The following RASGRP3 variants were observed in gnomAD, a reference collection of about 807,000 sequenced individuals.
The protein encoded by RASGRP3 is RAS guanyl releasing protein 3.
RASGRP3 carries 54 observed loss-of-function variants against 82.7 expected under a neutral mutation model. That is an observed-to-expected ratio of 0.65 (90% CI 0.52 to 0.82). The LOEUF is 0.82. Among genes scored for constraint, RASGRP3 ranks in the 40% least tolerant of loss-of-function variants. The pLI, the probability that RASGRP3 is intolerant of heterozygous loss-of-function variation, is 0.00. For missense variants in RASGRP3, 861 were observed against 828.9 expected, an observed-to-expected ratio of 1.04 and a Z score of -0.48; for synonymous variants, 309 against 300.5, an observed-to-expected ratio of 1.03 and a Z score of -0.29.
intron 2 of RASGRP3, among the ~76,000 whole-genome samples, chr2:33,462,032 G>A (rs1468260291): frequency 6.6e-6 from 1 of 152,190 alleles, no homozygotes; most frequent in Non-Finnish European, 1.5e-5. Flanking sequence ...AAAGTGAAGA[G>A]CAAAAGCGAT....
intron 1 of RASGRP3, among the ~76,000 whole-genome samples, chr2:33,497,553 C>T (rs1312992859): frequency 6.6e-6 from 1 of 152,214 alleles, no homozygotes; most frequent in African/African-American, 2.4e-5. Flanking sequence ...AATCACCTGA[C>T]ATGCATTTAT....
intron 14 of RASGRP3, 141 bp downstream of exon 14, chr2:33,549,892 A>G (rs1482880983): frequency 1.8e-6 from 2 of 1,109,402 alleles, no homozygotes; most frequent in Non-Finnish European, 2.5e-6. Flanking sequence ...GAAATTGAAG[A>G]TTAAACACCA....
At chr2:33,443,239 C>A (rs1228900742) in intron 1 of RASGRP3, among the ~76,000 whole-genome samples, 1 of 152,046 alleles carries the variant, frequency 6.6e-6, no homozygotes, top group Non-Finnish European at 1.5e-5. Flanking sequence ...AATAAAACAA[C>A]AAAAACTCAA....
chr2:33,524,192 C>A, intron 8 of RASGRP3, 140 bp downstream of exon 8: 2 of 1,100,638 alleles, frequency 1.8e-6, no homozygotes, highest in Non-Finnish European at 1.3e-6. Flanking sequence ...ATGAACAAAT[C>A]GTATTTTTGT....
At chr2:33,528,344 T>A (rs1381462776) in intron 10 of RASGRP3, among the ~76,000 whole-genome samples, 5 of 152,238 alleles carry the variant, frequency 3.3e-5, no homozygotes, top group Non-Finnish European at 2.9e-5. Flanking sequence ...TTTTTGGCAT[T>A]TGTGGCACAC....
In RASGRP3 at chr2:33,556,095, C is replaced by G. The variant is rs77708772; in HGVS notation, c.1579+528C>G. Among the ~76,000 whole-genome samples the G allele has an allele frequency of 0.02, 3,045 of 152,198 alleles. 282 individuals are homozygous for G. In the East Asian group the frequency reaches 0.31, roughly 15 times the overall value. On this transcript the variant is annotated intron_variant, in intron 15 of 17. Transcript: ENST00000403687. ...AAACAATTGAATCAAATATATTTGA[C>G]AAATGCAATATGCATGTATACTAAG...
intron 1 of RASGRP3, among the ~76,000 whole-genome samples, chr2:33,504,994 A>G (rs938576326): frequency 5.3e-5 from 8 of 152,198 alleles, no homozygotes; most frequent in East Asian, 1.9e-4. Flanking sequence ...AAAAAGCAAG[A>G]TTTAGCCACA....
chr2:33,493,323 A>C (rs1669022705), intron 1 of RASGRP3, among the ~76,000 whole-genome samples: 1 of 152,130 alleles, frequency 6.6e-6, no homozygotes, highest in South Asian at 2.1e-4. Context: ...ATCTGGGGAC[A>C]ACAACAGTGA....
At chr2:33,507,070 A>T (rs1486637515) in intron 1 of RASGRP3, among the ~76,000 whole-genome samples, 2 of 152,162 alleles carry the variant, frequency 1.3e-5, no homozygotes, top group African/African-American at 4.8e-5. Flanking sequence ...CAGAAACAAG[A>T]CCAATGCAGA....
chr2:33,486,844 A>C (rs1668438993), intron 1 of RASGRP3, among the ~76,000 whole-genome samples: 1 of 152,174 alleles, frequency 6.6e-6, no homozygotes, highest in Admixed American at 6.5e-5. Flanking sequence ...TACATGTTGG[A>C]AGAGGGACGG....
At chr2:33,458,497 A>G (rs1298163997) in intron 2 of RASGRP3, among the ~76,000 whole-genome samples, 3 of 152,236 alleles carry the variant, frequency 2.0e-5, no homozygotes, top group Non-Finnish European at 4.4e-5. Context: ...ACAAAGCCCC[A>G]GATCAAACTC....
chr2:33,462,657 C>T (rs910143245), intron 2 of RASGRP3, among the ~76,000 whole-genome samples: 3 of 152,164 alleles, frequency 2.0e-5, no homozygotes, highest in Non-Finnish European at 2.9e-5. Flanking sequence ...GGATTACAGG[C>T]GTGAGCCACT....
At position 33,530,489 on chromosome 2, in the gene RASGRP3, G is replaced by A. The variant is rs113744927; in HGVS notation, c.1083+3077G>A. Among the ~76,000 whole-genome samples, 656 of 144,078 alleles carry A rather than the reference G, an allele frequency of 4.6e-3. 9 individuals are homozygous for A. Among genetic ancestry groups the A allele is most frequent in the African/African-American group, 0.016 (605 of 37,956 alleles). 94.5% of individuals were successfully genotyped at this position (144,078 alleles called of 152,430 possible). ...GGGCTGTGAGTGTAACATCACCCCTGCCCCTTCCTTTTTTTTTTTTTTTTT... is the reference window on the plus strand; with the variant it reads ...GGGCTGTGAGTGTAACATCACCCCTACCCCTTCCTTTTTTTTTTTTTTTTT... On this transcript the variant is annotated intron_variant, in intron 10 of 17. Transcript: ENST00000403687.
At chr2:33,548,438 A>G (rs1277097176) in intron 13 of RASGRP3, among the ~76,000 whole-genome samples, 1 of 150,476 alleles carries the variant, frequency 6.6e-6, no homozygotes, top group African/African-American at 2.4e-5. Context: ...GAAGAAGGGG[A>G]TTTTTCAGGT....
intron 1 of RASGRP3, among the ~76,000 whole-genome samples, chr2:33,439,014 C>T (rs1163316587): frequency 6.6e-6 from 1 of 152,120 alleles, no homozygotes; most frequent in Non-Finnish European, 1.5e-5. Flanking sequence ...TGCCATCTGG[C>T]CTGACGCTGG....
chr2:33,558,975 G>A lies in RASGRP3; in HGVS notation c.2009G>A (p.Gly670Asp), dbSNP rs1474901537. The stretch of plus-strand genomic sequence containing the variant: ...GCTGGTGTGGATGTTGTAGACCGGG[G>A]CACGGAGTTTGAACTTGACCAGGAT... Reference protein sequence around the residue: ...VHAGVDVVDRGTEFELDQDEG... With the variant: ...VHAGVDVVDRDTEFELDQDEG... The change falls in exon 17 of 18, where the codon GGC becomes GAC. Residue 670 changes from glycine (G) to aspartate (D), a missense_variant. Transcript: ENST00000403687. The A allele has an allele frequency of 6.2e-7, 1 of 1,613,790 alleles. No individual in the cohort carries two copies. Among genetic ancestry groups the A allele is most frequent in the Non-Finnish European group, 8.5e-7 (1 of 1,179,860 alleles).
chr2:33,549,742 T>G lies in RASGRP3; in HGVS notation c.1533T>G (p.Cys511Trp). ...TCAAGCCAACCTTCTGCGAACACTG[T>G]GCGGGATTTGTAAGTCTGTTTTCCG... ...TYLKPTFCEH[C>W]AGFLWGIIKQ... Residue 511 changes from cysteine (C) to tryptophan (W), a missense_variant, in exon 14 of 18, where the codon TGT (cysteine) becomes TGG (tryptophan). Transcript: ENST00000403687. 3 of 1,613,126 alleles carry G rather than the reference T, an allele frequency of 1.9e-6. No individual in the cohort carries two copies. Among genetic ancestry groups the G allele is most frequent in the South Asian group, 2.2e-5 (2 of 90,678 alleles).
chr2:33,470,089 C>T (rs1449734540), intron 2 of RASGRP3, among the ~76,000 whole-genome samples: 3 of 151,984 alleles, frequency 2.0e-5, no homozygotes, highest in Non-Finnish European at 4.4e-5. Flanking sequence ...TTTTCTTTAC[C>T]ATTCTCAGTT....
In RASGRP3 at chr2:33,563,132, T is replaced by G. The variant is rs1218571201; in HGVS notation, c.*395T>G. The G allele has an allele frequency of 5.0e-6, 1 of 198,814 alleles. No homozygotes were observed. Among genetic ancestry groups the G allele is most frequent in the Admixed American group, 6.0e-5 (1 of 16,664 alleles). 12.3% of individuals were successfully genotyped at this position (198,814 alleles called of 1,614,324 possible). ...ATCCTTTCAATATTTTTATAAACTT[T>G]TGTGTGTGCTGTGGCAGGGAACAGT... On this transcript the variant is annotated 3_prime_UTR_variant, in exon 18 of 18. Transcript: ENST00000403687.
Sources: gnomAD v4.1 joint callset for allele counts (sites outside exome capture counted in the v4.1 genomes callset) on GRCh38, gnomAD v4.1.1 for gene constraint, MANE v1.5 for transcripts, NCBI Gene and HGNC (gene_info 2026-07-23, HGNC 2026-07-21) for gene names.